TBC1D7: variants seen among roughly 807,000 people sequenced by gnomAD.
TBC1D7 encodes TBC domain family 7.
A neutral mutation model predicts 35.3 loss-of-function variants in TBC1D7; 33 were observed. The ratio of observed to expected loss-of-function variants is 0.93; its 90% CI spans 0.71 to 1.25. The LOEUF is 1.25. TBC1D7 is among the 50% of genes most tolerant of loss of function. The pLI is 0.00. For missense variants in TBC1D7, 362 were observed against 365.3 expected (o/e 0.99, Z 0.07); for synonymous variants, 135 against 129.5 (o/e 1.04, Z -0.29).
In TBC1D7 at chr6:13,325,308, T is replaced by C. The variant is rs894081206; in HGVS notation, c.113-134A>G. On this transcript the variant is annotated intron_variant, in intron 2 of 7. Coordinates refer to ENST00000379300, the MANE Select transcript of TBC1D7 (RefSeq NM_016495.6). Reference sequence around the variant, plus strand: ...GGAAGTCTACCATATGGTCAGTAAGTTTAGGAGAGGCAATACTAGTCTGAT... The same window carrying C: ...GGAAGTCTACCATATGGTCAGTAAGCTTAGGAGAGGCAATACTAGTCTGAT... 17 of 617,842 alleles carry C rather than the reference T, an allele frequency of 2.8e-5. No individual in the cohort carries two copies. In the African/African-American group the frequency reaches 3.0e-4, roughly 11 times the overall value. The allele number at this position is 617,842 out of a possible 1,614,324, so 38.3% of individuals were successfully genotyped here. A position where few individuals can be genotyped will look rare whatever the true frequency, so the allele number is the denominator to read the frequency against.
chr6:13,327,418 ATTTCC>A (rs1350304718), intron 1 of TBC1D7, among the ~76,000 whole-genome samples: 1 of 152,218 alleles, frequency 6.6e-6, no homozygotes, highest in Non-Finnish European at 1.5e-5. Context: ...GATGATTTTA[ATTTCC>A]TTTCTTTTGC....
At chr6:13,311,659 T>C (rs1318603775) in intron 5 of TBC1D7, among the ~76,000 whole-genome samples, 1 of 152,196 alleles carries the variant, frequency 6.6e-6, no homozygotes, top group Non-Finnish European at 1.5e-5. Flanking sequence ...TGCTAGGCAC[T>C]GTAATGCATA....
intron 5 of TBC1D7, among the ~76,000 whole-genome samples, chr6:13,309,709 C>T (rs1173419202): frequency 3.3e-5 from 5 of 152,208 alleles, no homozygotes; most frequent in Non-Finnish European, 7.3e-5. Context: ...TGCATACATA[C>T]AGACACACTT....
chr6:13,311,498 A>T (rs1019991360), intron 5 of TBC1D7, among the ~76,000 whole-genome samples: 1 of 152,254 alleles, frequency 6.6e-6, no homozygotes, highest in Non-Finnish European at 1.5e-5. Flanking sequence ...ACTGTGTGTT[A>T]TAAGATAGAC....
In TBC1D7 at chr6:13,316,726, A is replaced by G. The variant is rs1562165828; in HGVS notation, c.382-18T>C. ...TCTGGCTCCTGAAAGATTAATAATA[A>G]ATCTCAAGAGGAAGGCAGTGAAAGA... is the stretch of plus-strand genomic sequence containing the variant. On this transcript the variant is annotated intron_variant, in intron 4 of 7. Coordinates refer to ENST00000379300, the MANE Select transcript of TBC1D7 (RefSeq NM_016495.6). The G allele has an allele frequency of 6.2e-7, 1 of 1,612,612 alleles. No individual in the cohort carries two copies.
intron 5 of TBC1D7, among the ~76,000 whole-genome samples, chr6:13,316,178 T>C (rs1230454235): frequency 1.3e-5 from 2 of 152,216 alleles, no homozygotes; most frequent in Non-Finnish European, 2.9e-5. Flanking sequence ...GTATTTGGGC[T>C]TCCCATTATA....
At chr6:13,309,671 T>C (rs1783057550) in intron 5 of TBC1D7, among the ~76,000 whole-genome samples, 1 of 152,208 alleles carries the variant, frequency 6.6e-6, no homozygotes, top group South Asian at 2.1e-4. Flanking sequence ...TAACTACTGG[T>C]AATACTTAGG....
At position 13,325,209 on chromosome 6, in the gene TBC1D7, T is replaced by G. The variant is rs757085129; in HGVS notation, c.113-35A>C. Reference sequence around the variant, plus strand: ...GAAGAAAACAATTGTTAGAAGCTTTTCATGCTGATCACAGTATGTCAAGGC... The same window carrying G: ...GAAGAAAACAATTGTTAGAAGCTTTGCATGCTGATCACAGTATGTCAAGGC... On this transcript the variant is annotated intron_variant, in intron 2 of 7. Transcript: ENST00000379300. 5 of 1,452,098 alleles carry G rather than the reference T, an allele frequency of 3.4e-6. No homozygotes were observed. In the African/African-American group the frequency reaches 7.0e-5, roughly 20 times the overall value. The allele number at this position is 1,452,098 out of a possible 1,614,324, so 90.0% of individuals were successfully genotyped here.
chr6:13,317,231 T>C (rs2077164418), intron 4 of TBC1D7, among the ~76,000 whole-genome samples: 1 of 152,214 alleles, frequency 6.6e-6, no homozygotes, highest in African/African-American at 2.4e-5. Flanking sequence ...AAAATGTTCC[T>C]AGAATCAGAA....
intron 5 of TBC1D7, among the ~76,000 whole-genome samples, chr6:13,311,934 G>GACATAA (rs138469505): frequency 1.3e-5 from 2 of 149,352 alleles, no homozygotes; most frequent in African/African-American, 4.9e-5. Flanking sequence ...AAGAGATATA[G>GACATAA]ATATAAATAT....
chr6:13,317,069 T>C (rs976520546), intron 4 of TBC1D7, among the ~76,000 whole-genome samples: 1 of 152,176 alleles, frequency 6.6e-6, no homozygotes, highest in Admixed American at 6.5e-5. Flanking sequence ...AAGGGTGTAA[T>C]AAACAGCACC....
intron 3 of TBC1D7, chr6:13,323,907 C>T (rs2439552): frequency 0.47 from 71,934 of 152,072 alleles, 18,867 homozygotes; most frequent in African/African-American, 0.69. Flanking sequence ...AGGCAAGTTA[C>T]TTAGCCTCAG....
In TBC1D7 at chr6:13,325,136, G is replaced by A. The variant is rs1339043216; in HGVS notation, c.151C>T (p.Leu51Phe). The change falls in exon 3 of 8, where the codon CTC (leucine) becomes TTC (phenylalanine). Residue 51 changes from leucine to phenylalanine, a missense_variant. Transcript: ENST00000379300. ...ACCAATGCACGGTACATGGACGGGA[G>A]AGGGAACCTCTGACTAAAAGTACAA... is the stretch of plus-strand genomic sequence containing the variant. ...KLCTFSQRFP[L>F]PSMYRALVWK... 1.2e-6 allele frequency: 2 copies of A among 1,613,814 alleles called. No individual in the cohort carries two copies. Among genetic ancestry groups the A allele is most frequent in the Non-Finnish European group, 1.7e-6 (2 of 1,179,812 alleles).
chr6:13,321,788 T>C (rs1445936012), intron 3 of TBC1D7, among the ~76,000 whole-genome samples: 1 of 152,076 alleles, frequency 6.6e-6, no homozygotes, highest in Non-Finnish European at 1.5e-5. Context: ...TGGGCACTTG[T>C]TTTCCCCACC....
In TBC1D7 at chr6:13,306,525, A is replaced by T; in HGVS notation, c.668T>A (p.Val223Asp). Residue 223 changes from valine to aspartate, a missense_variant and splice_region_variant, in exon 7 of 8, where the codon GTT (valine) becomes GAT (aspartate). By Grantham distance (152) the Val-to-Asp change is radical (BLOSUM62 -3). Transcript: ENST00000379300. ...GGATCCACTCACAACTTTATCCCAA[A>T]CCCTACAAAAATAAGGAGATATAAT... Reference protein sequence around the residue: ...GCLPESSLQRVWDKVVSGSCK... With the variant: ...GCLPESSLQRDWDKVVSGSCK... The T allele has an allele frequency of 6.3e-7, 1 of 1,586,370 alleles. No homozygotes were observed. The highest frequency in any genetic ancestry group is 1.2e-5 in the South Asian group (1 of 86,536).
At chr6:13,322,805 A>C (rs1321646901) in intron 3 of TBC1D7, among the ~76,000 whole-genome samples, 1 of 152,202 alleles carries the variant, frequency 6.6e-6, no homozygotes, top group African/African-American at 2.4e-5. Flanking sequence ...CGGCTAATAC[A>C]GCTTAAACAG....
At chr6:13,314,848 GA>G (rs1293561128) in intron 5 of TBC1D7, among the ~76,000 whole-genome samples, 1 of 151,514 alleles carries the variant, frequency 6.6e-6, no homozygotes, top group Non-Finnish European at 1.5e-5. Flanking sequence ...AATGATTTAA[GA>G]AAAAAAGGTT....
At chr6:13,305,211 T>C (rs781607335) in intron 7 of TBC1D7, 24 bp from the exon 8 acceptor site, 2 of 1,613,028 alleles carry the variant, frequency 1.2e-6, no homozygotes, top group East Asian at 2.2e-5. Context: ...AATCAGTCTT[T>C]GTGAAATTTC....
intron 4 of TBC1D7, among the ~76,000 whole-genome samples, 192 bp from the exon 5 acceptor site, chr6:13,316,900 G>T (rs759217213): frequency 2.0e-5 from 3 of 152,104 alleles, no homozygotes; most frequent in Non-Finnish European, 4.4e-5. Flanking sequence ...TAACTACAGG[G>T]TCAGTGCTGC....
Sources: allele counts gnomAD v4.1 joint callset (sites outside exome capture counted in the v4.1 genomes callset), GRCh38; gene constraint gnomAD v4.1.1; transcripts MANE v1.5; gene names NCBI Gene and HGNC (gene_info 2026-07-23, HGNC 2026-07-21).